Variants in TCERG1L observed in about 807,000 individuals in gnomAD.
TCERG1L encodes the protein transcription elongation regulator 1 like, also known as transcription elongation regulator 1-like protein.
TCERG1L carries 37 observed loss-of-function variants against 56.3 expected under a neutral mutation model. The observed-to-expected ratio is 0.66, with a 90% confidence interval of 0.51 to 0.87. TCERG1L has a LOEUF of 0.87. TCERG1L is among the 40% of genes least tolerant of loss of function. TCERG1L has a pLI of 0.00. For missense variants in TCERG1L, 799 were observed against 774.2 expected (o/e 1.03, Z -0.38); for synonymous variants, 324 against 326.3 (o/e 0.99, Z 0.08).
chr10:131,162,131 G>A (rs1845984875), intron 6 of TCERG1L: 1 of 152,264 alleles, frequency 6.6e-6, no homozygotes, highest in Non-Finnish European at 1.5e-5. Flanking sequence ...ACCCCAGCCT[G>A]TGGGGTTTGG....
chr10:131,124,223 T>C (rs1845542366), intron 8 of TCERG1L, among the ~76,000 whole-genome samples: 1 of 152,154 alleles, frequency 6.6e-6, no homozygotes, highest in Non-Finnish European at 1.5e-5. Context: ...CAGGACCCGC[T>C]GCCAGGCTCC....
At chr10:131,124,784 G>A (rs1482517801) in intron 8 of TCERG1L, among the ~76,000 whole-genome samples, 3 of 152,158 alleles carry the variant, frequency 2.0e-5, no homozygotes, top group South Asian at 2.1e-4. Flanking sequence ...AACGCTGGGC[G>A]CTAATAAAAT....
At chr10:131,282,025 A>C (rs1846462232) in intron 3 of TCERG1L, among the ~76,000 whole-genome samples, 1 of 151,048 alleles carries the variant, frequency 6.6e-6, no homozygotes, top group Non-Finnish European at 1.5e-5. Flanking sequence ...AGTCCCAGCT[A>C]CTCGGGAGGC....
At chr10:131,226,427 G>A (rs1273517652) in intron 4 of TCERG1L, among the ~76,000 whole-genome samples, 1 of 152,136 alleles carries the variant, frequency 6.6e-6, no homozygotes, top group African/African-American at 2.4e-5. Flanking sequence ...CTCACTCAGC[G>A]GAGCTCTAGT....
intron 7 of TCERG1L, among the ~76,000 whole-genome samples, chr10:131,139,804 G>A (rs758969845): frequency 1.3e-5 from 2 of 151,644 alleles, no homozygotes; most frequent in Non-Finnish European, 2.9e-5. Flanking sequence ...GTGTCTGTGT[G>A]CGTATATGTG....
chr10:131,245,410 ATTT>A (rs5789077), intron 4 of TCERG1L, among the ~76,000 whole-genome samples: 24,385 of 151,572 alleles, frequency 0.16, 2,588 homozygotes, highest in South Asian at 0.42. Flanking sequence ...TAAAATAATA[ATTT>A]TTTTTTTAAA....
chr10:131,242,539 A>G (rs192981084), intron 4 of TCERG1L, among the ~76,000 whole-genome samples: 17 of 152,280 alleles, frequency 1.1e-4, no homozygotes, highest in African/African-American at 2.6e-4. Context: ...AGGGAACAAC[A>G]TCTACTTAAT....
At chr10:131,218,708 C>G (rs1845700224) in intron 4 of TCERG1L, among the ~76,000 whole-genome samples, 1 of 152,180 alleles carries the variant, frequency 6.6e-6, no homozygotes, top group South Asian at 2.1e-4. Context: ...TCCTGAGCCA[C>G]CGGGAATCAT....
intron 8 of TCERG1L, among the ~76,000 whole-genome samples, chr10:131,125,728 T>TTCG (rs1298573673): frequency 6.6e-6 from 1 of 152,146 alleles, no homozygotes; most frequent in East Asian, 1.9e-4. Context: ...ATGGTCAGGA[T>TTCG]TCACAGCCAA....
At chr10:131,309,853 A>AAAAAAAAAAAAAT (rs1846863740) in intron 1 of TCERG1L, among the ~76,000 whole-genome samples, 1 of 149,708 alleles carries the variant, frequency 6.7e-6, no homozygotes, top group Non-Finnish European at 1.5e-5. Flanking sequence ...AAAAAAAAAA[A>AAAAAAAAAAAAAT]AAAAAACTAA....
At chr10:131,183,227 T>C (rs1306657802) in intron 4 of TCERG1L, among the ~76,000 whole-genome samples, 1 of 152,224 alleles carries the variant, frequency 6.6e-6, no homozygotes, top group East Asian at 1.9e-4. Flanking sequence ...ACTTAAAGCA[T>C]AGCAGACATT....
rs1021594579 is a variant in TCERG1L, at chr10:131,311,476, C to T, written c.160G>A (p.Ala54Thr). The stretch of plus-strand genomic sequence containing the variant: ...AGCACCGGGGGAACCACGACCCCCG[C>T]GCTGAGCCGGAGCAGCCCGGCCGAG... ...PGSAGLLRLS[A>T]GVVVPPVLLA... The change falls in exon 1 of 12, where the codon GCG becomes ACG. Residue 54 changes from alanine (A) to threonine (T), a missense_variant. Physicochemically the swap from Ala to Thr is moderately conservative, Grantham distance 58. Coordinates refer to ENST00000368642, the MANE Select transcript of TCERG1L (RefSeq NM_174937.4). The surrounding 1 kb of genome is among the most constrained non-coding windows in gnomAD (Gnocchi z 4.0). The T allele has an allele frequency of 8.4e-7, 1 of 1,187,686 alleles. No homozygotes were observed. The highest frequency in any genetic ancestry group is 1.6e-5 in the African/African-American group (1 of 61,720). 73.6% of individuals were successfully genotyped at this position (1,187,686 alleles called of 1,614,324 possible).
At chr10:131,252,761 G>A (rs966418462) in intron 4 of TCERG1L, among the ~76,000 whole-genome samples, 4 of 152,176 alleles carry the variant, frequency 2.6e-5, no homozygotes, top group Non-Finnish European at 5.9e-5. Flanking sequence ...CCTGTCCCGG[G>A]AAGCAGCTGC....
chr10:131,102,863 A>G (rs982059931), intron 10 of TCERG1L, among the ~76,000 whole-genome samples: 1 of 152,070 alleles, frequency 6.6e-6, no homozygotes, highest in African/African-American at 2.4e-5. Context: ...TCCCTCTCCC[A>G]GCAACAACAG....
At chr10:131,125,693 C>T (rs547053653) in intron 8 of TCERG1L, among the ~76,000 whole-genome samples, 4 of 152,322 alleles carry the variant, frequency 2.6e-5, no homozygotes, top group South Asian at 4.1e-4. Context: ...GTGTCGGTTC[C>T]GCCAGCTCTG....
In TCERG1L at chr10:131,201,900, C is replaced by T. The variant is rs550185924; in HGVS notation, c.857-35015G>A. On this transcript the variant is annotated intron_variant, in intron 4 of 11. Coordinates refer to ENST00000368642, the MANE Select transcript of TCERG1L (RefSeq NM_174937.4). Reference sequence around the variant, plus strand: ...TGAAGGCGCATCCATCGACCTTCCTCAGAGACGAGGAAAGAGCCAATGAAA... The same window carrying T: ...TGAAGGCGCATCCATCGACCTTCCTTAGAGACGAGGAAAGAGCCAATGAAA... Among the ~76,000 whole-genome samples, 10 of 152,276 alleles carry T rather than the reference C, an allele frequency of 6.6e-5. No individual in the cohort carries two copies. The South Asian group carries it at 1.7e-3, about 25-fold the overall frequency.
At chr10:131,238,339 A>C (rs1845936342) in intron 4 of TCERG1L, among the ~76,000 whole-genome samples, 1 of 152,204 alleles carries the variant, frequency 6.6e-6, no homozygotes, top group Non-Finnish European at 1.5e-5. Context: ...GCTTCCTCCA[A>C]AAAGAAGTCC....
intron 4 of TCERG1L, among the ~76,000 whole-genome samples, chr10:131,212,385 CA>C (rs1330033663): frequency 6.6e-5 from 10 of 152,156 alleles, no homozygotes; most frequent in African/African-American, 2.4e-4. Flanking sequence ...TCATCCAGCC[CA>C]AATGCATGAT....
At chr10:131,123,529 G>T (rs1416716232) in intron 8 of TCERG1L, among the ~76,000 whole-genome samples, 1 of 152,164 alleles carries the variant, frequency 6.6e-6, no homozygotes, top group Non-Finnish European at 1.5e-5. Context: ...GGGTGTGGGG[G>T]GCAGTGCTCA....
Sources: gnomAD v4.1 joint callset for allele counts (sites outside exome capture counted in the v4.1 genomes callset) on GRCh38, gnomAD v4.1.1 for gene constraint, Gnocchi (gnomAD v3.1) non-coding constraint, MANE v1.5 for transcripts, NCBI Gene and HGNC (gene_info 2026-07-23, HGNC 2026-07-21) for gene names.